PDE4D: variants seen among roughly 807,000 people sequenced by gnomAD.
PDE4D encodes the protein 3',5'-cyclic-AMP phosphodiesterase 4D.
Under a neutral mutation model 87.4 loss-of-function variants are expected in PDE4D, and 24 were observed. The observed-to-expected ratio is 0.27, with a 90% CI of 0.20 to 0.39. PDE4D has a LOEUF of 0.39. Among genes scored for constraint, PDE4D ranks in the 10% least tolerant of loss-of-function variants. The probability of loss-of-function intolerance (pLI) is 1.00; values close to 1 mark genes in which losing one functional copy is unlikely to be tolerated. For missense variants in PDE4D, 714 were observed against 1,041.0 expected (o/e 0.69, Z 4.32); for synonymous variants, 384 against 383.2 (o/e 1.00, Z -0.02).
intron 1 of PDE4D, among the ~76,000 whole-genome samples, chr5:59,638,362 G>A (rs1343987891): frequency 6.6e-6 from 1 of 152,154 alleles, no homozygotes; most frequent in Non-Finnish European, 1.5e-5. Flanking sequence ...GAGTGTGTGT[G>A]TGCTGCCTTG....
intron 1 of PDE4D, among the ~76,000 whole-genome samples, chr5:59,820,225 C>A (rs1769474675): frequency 6.6e-6 from 1 of 152,184 alleles, no homozygotes; most frequent in African/African-American, 2.4e-5. Context: ...TATTTCTTCA[C>A]ACACATCCTC....
chr5:59,861,544 C>T (rs746179364), intron 1 of PDE4D, among the ~76,000 whole-genome samples: 14 of 152,142 alleles, frequency 9.2e-5, no homozygotes, highest in Non-Finnish European at 1.9e-4. Context: ...GGAAAACAAT[C>T]AATTTGAGTG....
intron 5 of PDE4D, among the ~76,000 whole-genome samples, chr5:59,089,587 C>T (rs1181906369): frequency 2.0e-5 from 3 of 151,914 alleles, no homozygotes; most frequent in Non-Finnish European, 4.4e-5. Flanking sequence ...AGTAACTTGC[C>T]CAAGGTAAGC....
At position 60,149,890 on chromosome 5, in the gene PDE4D, A is replaced by G. The variant is rs185489892; in HGVS notation, c.42+35667T>C. Among the ~76,000 whole-genome samples the G allele has an allele frequency of 3.4e-3, 497 of 147,506 alleles. 1 individual carries two copies. Among genetic ancestry groups the G allele is most frequent in the Non-Finnish European group, 5.7e-3 (380 of 67,122 alleles). ...GTAGATATAATTATATAACAAGTAC[A>G]TATTATATATACTAGTATATAATTT... On this transcript the variant is annotated intron_variant, in intron 2 of 16. Transcript: ENST00000502484.
intron 1 of PDE4D, among the ~76,000 whole-genome samples, chr5:59,545,792 A>G (rs573613278): frequency 2.0e-5 from 3 of 152,298 alleles, no homozygotes; most frequent in Non-Finnish European, 1.5e-5. Context: ...ATTTTCTTTC[A>G]TAGCATCAGT....
chr5:60,509,855 G>A (rs1750493337), intron 1 of PDE4D, among the ~76,000 whole-genome samples: 2 of 152,204 alleles, frequency 1.3e-5, no homozygotes, highest in South Asian at 4.1e-4. Context: ...TGAATACTTG[G>A]CCCAGTGAGC....
chr5:60,238,216 T>C (rs1030012892), intron 1 of PDE4D, among the ~76,000 whole-genome samples: 2 of 151,994 alleles, frequency 1.3e-5, no homozygotes, highest in Admixed American at 6.6e-5. Context: ...ACATTACCCA[T>C]GTTAATGTAT....
intron 1 of PDE4D, among the ~76,000 whole-genome samples, chr5:59,428,275 T>C (rs1795607072): frequency 6.6e-6 from 1 of 152,196 alleles, no homozygotes; most frequent in Non-Finnish European, 1.5e-5. Context: ...TTTGATTTCC[T>C]ACTTCATTTT....
intron 1 of PDE4D, among the ~76,000 whole-genome samples, chr5:60,221,994 TC>T (rs1161838504): frequency 6.6e-6 from 1 of 152,106 alleles, no homozygotes; most frequent in Non-Finnish European, 1.5e-5. Context: ...CATGCAATAG[TC>T]CTTGCTTCCT....
chr5:59,783,973 G>T (rs1354143883), intron 1 of PDE4D, among the ~76,000 whole-genome samples: 1 of 152,156 alleles, frequency 6.6e-6, no homozygotes, highest in African/African-American at 2.4e-5. Context: ...TGGGAAGATG[G>T]TTTCAGCCTG....
chr5:60,134,036 C>G (rs1400966608), intron 2 of PDE4D, among the ~76,000 whole-genome samples: 2 of 152,108 alleles, frequency 1.3e-5, no homozygotes, highest in Non-Finnish European at 2.9e-5. Context: ...CTTGCAAGCA[C>G]TTCAAAATTA....
intron 5 of PDE4D, among the ~76,000 whole-genome samples, chr5:59,131,645 CAT>C: frequency 6.8e-6 from 1 of 146,336 alleles, no homozygotes; most frequent in East Asian, 2.0e-4. Context: ...CACACACACA[CAT>C]TAATGAGAGA....
At chr5:59,476,624 G>C (rs979305488) in intron 1 of PDE4D, among the ~76,000 whole-genome samples, 1 of 151,952 alleles carries the variant, frequency 6.6e-6, no homozygotes, top group African/African-American at 2.4e-5. Flanking sequence ...TCCTTTGGCT[G>C]GTAAGTTCAT....
In PDE4D at chr5:60,146,738, C is replaced by T. The variant is rs185233989; in HGVS notation, c.42+38819G>A. Among the ~76,000 whole-genome samples the T allele has an allele frequency of 4.6e-5, 7 of 152,194 alleles. No homozygotes were observed. In the South Asian group the frequency reaches 1.2e-3, roughly 27 times the overall value. ...TTTGCATCCGATATGAATATTCGCA[C>T]CTGATATGAAGTTAATATTCAAAAT... is the stretch of plus-strand genomic sequence containing the variant. On this transcript the variant is annotated intron_variant, in intron 2 of 16. Transcript: ENST00000502484.
At chr5:59,527,269 G>A (rs1813330760) in intron 1 of PDE4D, among the ~76,000 whole-genome samples, 2 of 152,222 alleles carry the variant, frequency 1.3e-5, no homozygotes, top group African/African-American at 4.8e-5. Context: ...GCATAAATTT[G>A]TAAAAATTGA....
chr5:60,081,738 G>A (rs1379688514), intron 2 of PDE4D, among the ~76,000 whole-genome samples: 1 of 151,956 alleles, frequency 6.6e-6, no homozygotes, highest in African/African-American at 2.4e-5. Flanking sequence ...TTCTCTGCTT[G>A]AAAATTCTTT....
At chr5:59,647,654 G>T (rs184554610) in intron 1 of PDE4D, among the ~76,000 whole-genome samples, 53 of 152,154 alleles carry the variant, frequency 3.5e-4, no homozygotes, top group Non-Finnish European at 6.8e-4. Flanking sequence ...AAGGTTTACA[G>T]AGAACAAAGT....
At chr5:58,983,176 G>C (rs1745625479) in intron 11 of PDE4D, among the ~76,000 whole-genome samples, 1 of 152,226 alleles carries the variant, frequency 6.6e-6, no homozygotes, top group Non-Finnish European at 1.5e-5. Flanking sequence ...AGGGGCAGTA[G>C]TGCTGCAGCT....
chr5:60,134,704 G>A (rs1287155031), intron 2 of PDE4D, among the ~76,000 whole-genome samples: 1 of 152,128 alleles, frequency 6.6e-6, no homozygotes, highest in Non-Finnish European at 1.5e-5. Context: ...GTAATGCCTA[G>A]TATAACGTAA....
Sources: gnomAD v4.1 joint callset for allele counts (sites outside exome capture counted in the v4.1 genomes callset) on GRCh38, gnomAD v4.1.1 for gene constraint, MANE v1.5 for transcripts, NCBI Gene and HGNC (gene_info 2026-07-23, HGNC 2026-07-21) for gene names.